Variants in JAKMIP1 observed in about 807,000 individuals in gnomAD.
JAKMIP1 encodes the protein janus kinase and microtubule-interacting protein 1.
A neutral mutation model predicts 113.0 loss-of-function variants in JAKMIP1; 33 were observed. The ratio of observed to expected loss-of-function variants is 0.29; its 90% CI spans 0.22 to 0.39. The LOEUF is 0.39. JAKMIP1 is among the 10% of genes least tolerant of loss of function. The pLI, the probability that JAKMIP1 is intolerant of heterozygous loss-of-function variation, is 1.00. For synonymous variants in JAKMIP1, 480 were observed against 459.9 expected (o/e 1.04, Z -0.56); for missense variants, 813 against 1,080.5 (o/e 0.75, Z 3.47).
intron 1 of JAKMIP1, among the ~76,000 whole-genome samples, chr4:6,152,554 G>T (rs771507833): frequency 7.9e-5 from 12 of 152,134 alleles, no homozygotes; most frequent in Non-Finnish European, 1.6e-4. Context: ...GAATATTTAT[G>T]TGACCCTTTA....
rs896044748 is a variant in JAKMIP1, at chr4:6,031,235, C to A, written c.2380-1454G>T. 6.6e-6 allele frequency among the ~76,000 whole-genome samples: 1 copy of A among 152,082 alleles called. No homozygotes were observed. The highest frequency in any genetic ancestry group is 1.5e-5 in the Non-Finnish European group (1 of 68,024). ...ATCACCGGAGGTCAGGAGTTCAAGA[C>A]CAGCCTGACCAACATGGTGAAATGT... On this transcript the variant is annotated intron_variant, in intron 19 of 20. Transcript: ENST00000409021. The surrounding 1 kb of genome is among the most constrained non-coding windows in gnomAD (Gnocchi z 4.4).
In JAKMIP1 at chr4:6,170,680, T is replaced by C. The variant is rs1724469601; in HGVS notation, c.-148+29573A>G. 3.5e-5 allele frequency among the ~76,000 whole-genome samples: 5 copies of C among 143,438 alleles called. No homozygotes were observed. The South Asian group carries it at 1.1e-3, about 33-fold the overall frequency. The allele number at this position is 143,438 out of a possible 152,430, so 94.1% of individuals were successfully genotyped here. Reference sequence around the variant, plus strand: ...CACCAATCCCACCACCCTTCTCACCTCCACTGTCACCCTCCTTAACACCAT... The same window carrying C: ...CACCAATCCCACCACCCTTCTCACCCCCACTGTCACCCTCCTTAACACCAT... On this transcript the variant is annotated intron_variant, in intron 1 of 20. Transcript: ENST00000409021.
rs1036600893 is a variant in JAKMIP1, at chr4:6,140,618, T to C, written c.-147-27621A>G. ...TCTGTCCCCACTGCTCCTGGAGGGG[T>C]GGAGAAATACATGATTTTGTTTATC... On this transcript the variant is annotated intron_variant, in intron 1 of 20. Coordinates refer to ENST00000409021, the MANE Select transcript of JAKMIP1 (RefSeq NM_001099433.2). The surrounding 1 kb of genome is among the most constrained non-coding windows in gnomAD (Gnocchi z 9.4). Among the ~76,000 whole-genome samples, 2 of 152,082 alleles carry C rather than the reference T, an allele frequency of 1.3e-5. No individual in the cohort carries two copies. The highest frequency in any genetic ancestry group is 4.8e-5 in the African/African-American group (2 of 41,376).
Position 6,105,773 on chromosome 4 carries a change from G to A in JAKMIP1, c.324C>T (p.Gly108=), listed in dbSNP as rs1461036081. ...EAARTAKIKE[G]ELQRLQATLN... is the part of the protein sequence containing the mutation. The stretch of plus-strand genomic sequence containing the variant: ...GCGTGGCCTGCAGCCGCTGCAGCTC[G>A]CCCTCCTTGATCTTGGCGGTGCGCG... The change falls in exon 3 of 21, where the codon GGC becomes GGT. Residue 108 remains glycine, a synonymous_variant. Coordinates refer to ENST00000409021, the MANE Select transcript of JAKMIP1 (RefSeq NM_001099433.2). 8.7e-6 allele frequency: 14 copies of A among 1,605,316 alleles called. No homozygotes were observed. The highest frequency in any genetic ancestry group is 2.2e-5 in the East Asian group (1 of 44,812).
chr4:6,074,357 A>G (rs1719406445), intron 8 of JAKMIP1, among the ~76,000 whole-genome samples: 2 of 152,222 alleles, frequency 1.3e-5, no homozygotes, highest in African/African-American at 2.4e-5. Context: ...TCTGACAGAA[A>G]GTCAGGAGCT....
intron 18 of JAKMIP1, among the ~76,000 whole-genome samples, chr4:6,039,330 C>T (rs937105923): frequency 2.0e-5 from 3 of 152,210 alleles, no homozygotes; most frequent in Admixed American, 2.0e-4. Context: ...CTTGGCACAC[C>T]ACTTGCTTAC....
rs1168589869 is a variant in JAKMIP1 at position 6,042,116 on chromosome 4, C to G, written c.2097+43G>C. 1 of 1,502,472 alleles carries G rather than the reference C, an allele frequency of 6.7e-7. No individual in the cohort carries two copies. The highest frequency in any genetic ancestry group is 1.7e-5 in the Admixed American group (1 of 59,866). 93.1% of individuals were successfully genotyped at this position (1,502,472 alleles called of 1,614,324 possible). A position where few individuals can be genotyped will look rare whatever the true frequency, so the allele number is the denominator to read the frequency against. On this transcript the variant is annotated intron_variant, in intron 17 of 20. Coordinates refer to ENST00000409021, the MANE Select transcript of JAKMIP1 (RefSeq NM_001099433.2). The surrounding 1 kb of genome is among the most constrained non-coding windows in gnomAD (Gnocchi z 5.2). Reference sequence around the variant, plus strand: ...TCCTGCAAATCAACCTCTCTGAGCTCTTTGAACCCTCTCCCCCACCCCCAG... The same window carrying G: ...TCCTGCAAATCAACCTCTCTGAGCTGTTTGAACCCTCTCCCCCACCCCCAG...
chr4:6,175,006 A>G (rs1428845940), intron 1 of JAKMIP1, among the ~76,000 whole-genome samples: 31 of 152,172 alleles, frequency 2.0e-4, no homozygotes, highest in Non-Finnish European at 1.8e-4. Context: ...ACGTATCCAC[A>G]GGCTATCCTC....
At chr4:6,071,957 A>G (rs1291891098) in intron 8 of JAKMIP1, among the ~76,000 whole-genome samples, 2 of 152,096 alleles carry the variant, frequency 1.3e-5, no homozygotes, top group Non-Finnish European at 2.9e-5. Flanking sequence ...AAAACTCTGA[A>G]CCCCAGTTCA....
In JAKMIP1 at chr4:6,094,545, T is replaced by G. The variant is rs567414437; in HGVS notation, c.625-8916A>C. On this transcript the variant is annotated intron_variant, in intron 3 of 20. Transcript: ENST00000409021. The surrounding 1 kb of genome is among the most constrained non-coding windows in gnomAD (Gnocchi z 4.2). ...CGGGCACCCAGCCTAGGCTGGTCCA[T>G]CGGCCCCTGTTCTCCTAGTTGAGAT... is the stretch of plus-strand genomic sequence containing the variant. Among the ~76,000 whole-genome samples, 188 of 152,330 alleles carry G rather than the reference T, an allele frequency of 1.2e-3. No homozygotes were observed. Among genetic ancestry groups the G allele is most frequent in the Admixed American group, 2.2e-3 (34 of 15,304 alleles).
Position 6,192,253 on chromosome 4 carries a change from A to T in JAKMIP1, c.-148+8000T>A, listed in dbSNP as rs187161090. Among the ~76,000 whole-genome samples, 1 of 152,136 alleles carries T rather than the reference A, an allele frequency of 6.6e-6. No individual in the cohort carries two copies. The highest frequency in any genetic ancestry group is 6.5e-5 in the Admixed American group (1 of 15,272). Reference sequence around the variant, plus strand: ...TGGCCAGGGTGTATTTTTCACTCACAGTCCATCTCAGTCCACAGGAGCCGC... The same window carrying T: ...TGGCCAGGGTGTATTTTTCACTCACTGTCCATCTCAGTCCACAGGAGCCGC... On this transcript the variant is annotated intron_variant, in intron 1 of 20. Coordinates refer to ENST00000409021, the MANE Select transcript of JAKMIP1 (RefSeq NM_001099433.2). This position sits in a 1 kb window ranked among gnomAD's most constrained non-coding sequence, Gnocchi z 5.0.
At chr4:6,091,002 G>A (rs1334816568) in intron 3 of JAKMIP1, among the ~76,000 whole-genome samples, 1 of 152,220 alleles carries the variant, frequency 6.6e-6, no homozygotes, top group Non-Finnish European at 1.5e-5. Flanking sequence ...TTACTAAGAT[G>A]CATCCTAATG....
chr4:6,176,053 G>C lies in JAKMIP1; in HGVS notation c.-148+24200C>G, dbSNP rs187048455. On this transcript the variant is annotated intron_variant, in intron 1 of 20. Transcript: ENST00000409021. This position sits in a 1 kb window ranked among gnomAD's most constrained non-coding sequence, Gnocchi z 5.5. The stretch of plus-strand genomic sequence containing the variant: ...TTACTGAAAAACCTACTAAGTGCCA[G>C]ATACTTCCCAGGCATTAAAGATACA... Among the ~76,000 whole-genome samples the C allele has an allele frequency of 2.0e-5, 3 of 152,318 alleles. No homozygotes were observed.
intron 20 of JAKMIP1, among the ~76,000 whole-genome samples, chr4:6,027,127 G>A (rs1406765593): frequency 3.3e-5 from 5 of 151,634 alleles, no homozygotes; most frequent in South Asian, 2.1e-4. Context: ...TAAACACACC[G>A]ACTCAAAAGT....
In JAKMIP1 at chr4:6,142,231, T is replaced by G. The variant is rs2108963693; in HGVS notation, c.-147-29234A>C. ...TTATTTCTGAGGATTTTGTACAGAT[T>G]TAGAATTTTTTTCCATGGAGAGATT... On this transcript the variant is annotated intron_variant, in intron 1 of 20. Coordinates refer to ENST00000409021, the MANE Select transcript of JAKMIP1 (RefSeq NM_001099433.2). The surrounding 1 kb of genome is among the most constrained non-coding windows in gnomAD (Gnocchi z 5.5). Among the ~76,000 whole-genome samples, 1 of 152,284 alleles carries G rather than the reference T, an allele frequency of 6.6e-6. No individual in the cohort carries two copies. Among genetic ancestry groups the G allele is most frequent in the South Asian group, 2.1e-4 (1 of 4,814 alleles).
Position 6,116,994 on chromosome 4 carries a change from C to T in JAKMIP1, c.-147-3997G>A, listed in dbSNP as rs567811396. On this transcript the variant is annotated intron_variant, in intron 1 of 20. Coordinates refer to ENST00000409021, the MANE Select transcript of JAKMIP1 (RefSeq NM_001099433.2). The surrounding 1 kb of genome is among the most constrained non-coding windows in gnomAD (Gnocchi z 5.1). The stretch of plus-strand genomic sequence containing the variant: ...CAGTGCAAAATGAAAACGTGAGGCT[C>T]CTTGTTCAAAATTATTAAGACTTGC... 6.6e-6 allele frequency among the ~76,000 whole-genome samples: 1 copy of T among 152,332 alleles called. No individual in the cohort carries two copies. Among genetic ancestry groups the T allele is most frequent in the African/African-American group, 2.4e-5 (1 of 41,586 alleles).
chr4:6,101,284 T>G (rs1712982880), intron 3 of JAKMIP1, among the ~76,000 whole-genome samples: 1 of 152,108 alleles, frequency 6.6e-6, no homozygotes, highest in Non-Finnish European at 1.5e-5. Flanking sequence ...TGTGTGTGTG[T>G]ATTTCCTGTT....
intron 1 of JAKMIP1, among the ~76,000 whole-genome samples, chr4:6,196,886 A>T: frequency 6.6e-6 from 1 of 151,914 alleles, no homozygotes; most frequent in East Asian, 1.9e-4. Context: ...CAAAAGCACC[A>T]AGAAGGCTTT....
intron 3 of JAKMIP1, among the ~76,000 whole-genome samples, chr4:6,099,595 C>G (rs11944241): frequency 0.048 from 7,378 of 152,264 alleles, 361 homozygotes; most frequent in African/African-American, 0.12. Flanking sequence ...TAAACAGTCA[C>G]TTGTGTTTTG....
Sources: allele counts gnomAD v4.1 joint callset (sites outside exome capture counted in the v4.1 genomes callset), GRCh38; gene constraint gnomAD v4.1.1; non-coding constraint Gnocchi (gnomAD v3.1); transcripts MANE v1.5; gene names NCBI Gene and HGNC (gene_info 2026-07-23, HGNC 2026-07-21).